The following KAZN variants were observed in gnomAD, a reference collection of about 807,000 sequenced individuals.
KAZN encodes kazrin, periplakin interacting protein.
KAZN carries 40 observed loss-of-function variants against 87.4 expected under a neutral mutation model. The ratio of observed to expected loss-of-function variants is 0.46; its 90% CI spans 0.36 to 0.60. The LOEUF (loss-of-function observed/expected upper bound fraction) is 0.60, where lower values mean the gene tolerates loss of function less well. Ranked by LOEUF, KAZN falls within the 20% of genes least tolerant of loss-of-function variation. The probability of loss-of-function intolerance (pLI) is 0.00; values close to 1 mark genes in which losing one functional copy is unlikely to be tolerated. For synonymous variants in KAZN, 466 were observed against 458.3 expected (o/e 1.02, Z -0.22); for missense variants, 898 against 1,073.9 (o/e 0.84, Z 2.29).
intron 1 of KAZN, among the ~76,000 whole-genome samples, chr1:13,985,464 CCAAA>C (rs754037396): frequency 6.8e-6 from 1 of 147,238 alleles, no homozygotes; most frequent in Non-Finnish European, 1.5e-5. Flanking sequence ...GAACAAAAAA[CCAAA>C]CACCGCATAT....
intron 1 of KAZN, among the ~76,000 whole-genome samples, chr1:14,749,879 T>C (rs1474706980): frequency 2.0e-5 from 3 of 152,260 alleles, no homozygotes; most frequent in Non-Finnish European, 4.4e-5. Context: ...GCCTCCTTCT[T>C]CATGCCTACC....
At chr1:14,881,672 G>T (rs1030653903) in intron 1 of KAZN, among the ~76,000 whole-genome samples, 2 of 152,166 alleles carry the variant, frequency 1.3e-5, no homozygotes, top group Non-Finnish European at 2.9e-5. Flanking sequence ...GTGGGTTCAG[G>T]TACAGGTTCT....
intron 2 of KAZN, among the ~76,000 whole-genome samples, chr1:15,011,626 G>A (rs1669581453): frequency 6.6e-6 from 1 of 152,090 alleles, no homozygotes; most frequent in Non-Finnish European, 1.5e-5. Context: ...TTTTGTTTCT[G>A]TGCTAGCAGG....
intron 1 of KAZN, among the ~76,000 whole-genome samples, chr1:14,810,780 T>G (rs1646384793): frequency 6.6e-6 from 1 of 152,110 alleles, no homozygotes; most frequent in Non-Finnish European, 1.5e-5. Flanking sequence ...GACCTCTGAC[T>G]GGGGGCATCC....
chr1:14,210,080 T>C lies in KAZN; in HGVS notation c.249+29488T>C, dbSNP rs182904160. 4.0e-3 allele frequency among the ~76,000 whole-genome samples: 606 copies of C among 152,266 alleles called. 4 individuals carry two copies. The highest frequency in any genetic ancestry group is 6.0e-3 in the Non-Finnish European group (411 of 68,006). ...TGATGAGAAAGGAAGATACTTGATA[T>C]GGTTTGGCTGTGTCCCCACCCAAAT... On this transcript the variant is annotated intron_variant, in intron 2 of 16. Transcript: ENST00000636203.
intron 2 of KAZN, among the ~76,000 whole-genome samples, chr1:14,514,611 A>ATTT (rs1557770522): frequency 3.5e-3 from 136 of 38,916 alleles, no homozygotes; most frequent in African/African-American, 0.014. Context: ...ATATATATAT[A>ATTT]TATATATATA....
intron 1 of KAZN, among the ~76,000 whole-genome samples, chr1:14,728,904 T>C (rs533170021): frequency 6.6e-6 from 1 of 152,324 alleles, no homozygotes; most frequent in Admixed American, 6.5e-5. Flanking sequence ...TGGCCTCCGT[T>C]TAAACACTCC....
At chr1:14,461,965 T>C (rs1667876662) in intron 2 of KAZN, among the ~76,000 whole-genome samples, 1 of 152,014 alleles carries the variant, frequency 6.6e-6, no homozygotes, top group Non-Finnish European at 1.5e-5. Flanking sequence ...GGTTTGGCTG[T>C]GTCCCCACCC....
chr1:15,092,072 G>GTTTTTTTTTTTTT (rs1557791969), intron 8 of KAZN, among the ~76,000 whole-genome samples: 5 of 79,856 alleles, frequency 6.3e-5, no homozygotes, highest in East Asian at 5.5e-4. Context: ...TTTTTTTTTT[G>GTTTTTTTTTTTTT]ATTTTTTTTT....
chr1:13,894,419 G>A lies in KAZN; in HGVS notation c.91+663G>A, dbSNP rs2697977. On this transcript the variant is annotated intron_variant, in intron 1 of 16. Transcript: ENST00000636203. ...GGTCACATAAAAAAAAAAAGGTGAG[G>A]ATGGATGGCTTGGTGCAAATAGTCA... Among the ~76,000 whole-genome samples the A allele has an allele frequency of 1.9e-3, 284 of 151,834 alleles. 2 individuals carry two copies. Among genetic ancestry groups the A allele is most frequent in the Non-Finnish European group, 2.0e-3 (135 of 67,982 alleles).
intron 2 of KAZN, among the ~76,000 whole-genome samples, chr1:14,409,846 G>T (rs1664160786): frequency 6.6e-6 from 1 of 152,074 alleles, no homozygotes; most frequent in African/African-American, 2.4e-5. Flanking sequence ...ATAATCATAA[G>T]CTAGACCATC....
intron 1 of KAZN, among the ~76,000 whole-genome samples, chr1:14,117,976 G>A (rs1481635647): frequency 6.6e-6 from 1 of 152,194 alleles, no homozygotes; most frequent in Non-Finnish European, 1.5e-5. Context: ...CCACATGTGA[G>A]CTCAGCTGCA....
chr1:14,383,675 C>A lies in KAZN; in HGVS notation c.249+203083C>A, dbSNP rs371823166. Among the ~76,000 whole-genome samples the A allele has an allele frequency of 4.9e-4, 75 of 152,064 alleles. No homozygotes were observed. In the East Asian group the frequency reaches 0.01, roughly 21 times the overall value. The stretch of plus-strand genomic sequence containing the variant: ...GCTCTGTTCTGTTCCATTGATCTCT[C>A]TCTCTGTTTTGGTACCAGTACCATG... On this transcript the variant is annotated intron_variant, in intron 2 of 16. Coordinates refer to the KAZN transcript ENST00000636203.
At chr1:14,723,239 TC>T (rs1643209472) in intron 1 of KAZN, among the ~76,000 whole-genome samples, 1 of 152,192 alleles carries the variant, frequency 6.6e-6, no homozygotes, top group Non-Finnish European at 1.5e-5. Flanking sequence ...GAGATCCTAA[TC>T]CTGACTCCCA....
At chr1:15,039,275 C>T (rs35596236) in intron 3 of KAZN, among the ~76,000 whole-genome samples, 33,590 of 151,994 alleles carry the variant, frequency 0.22, 3,940 homozygotes, top group Non-Finnish European at 0.26. Flanking sequence ...AGTCTCAGGC[C>T]GAGGGCCACA....
intron 2 of KAZN, among the ~76,000 whole-genome samples, chr1:14,199,885 T>C (rs140704500): frequency 6.6e-6 from 1 of 152,062 alleles, no homozygotes; most frequent in Non-Finnish European, 1.5e-5. Flanking sequence ...ATAGGACAGA[T>C]TATAAATTCT....
intron 1 of KAZN, among the ~76,000 whole-genome samples, chr1:14,845,559 G>GTGGGTGGATGGA (rs1553143775): frequency 1.1e-3 from 163 of 145,554 alleles, no homozygotes; most frequent in Admixed American, 3.3e-3. Context: ...AGATGGGTGG[G>GTGGGTGGATGGA]TGGATGGATG....
intron 2 of KAZN, among the ~76,000 whole-genome samples, chr1:14,373,901 A>G (rs920711538): frequency 6.6e-6 from 1 of 152,172 alleles, no homozygotes; most frequent in African/African-American, 2.4e-5. Flanking sequence ...TGTTACTTAA[A>G]CGGATCTTAC....
chr1:15,106,106 CT>C (rs1641286881), intron 13 of KAZN, among the ~76,000 whole-genome samples: 1 of 152,078 alleles, frequency 6.6e-6, no homozygotes, highest in African/African-American at 2.4e-5. Flanking sequence ...ATAGCGTGAC[CT>C]TTTCTCTACT....
Sources: gnomAD v4.1 joint callset for allele counts (sites outside exome capture counted in the v4.1 genomes callset) on GRCh38, gnomAD v4.1.1 for gene constraint, MANE v1.5 for transcripts, NCBI Gene and HGNC (gene_info 2026-07-23, HGNC 2026-07-21) for gene names.